ZFHX3: variants seen among roughly 807,000 people sequenced by gnomAD.
ZFHX3 encodes the protein zinc finger homeobox protein 3.
In ZFHX3, 42 loss-of-function variants were observed where a neutral mutation model predicts 279.1. That is an observed-to-expected ratio of 0.15 (90% CI 0.12 to 0.19). ZFHX3 has a LOEUF of 0.19. Among genes scored for constraint, ZFHX3 ranks in the 10% least tolerant of loss-of-function variants. ZFHX3 has a pLI of 1.00. For missense variants in ZFHX3, 4,981 were observed against 4,754.0 expected (o/e 1.05, Z -1.40); for synonymous variants, 2,293 against 1,957.8 (o/e 1.17, Z -4.52).
intron 1 of ZFHX3, among the ~76,000 whole-genome samples, chr16:72,961,889 C>T (rs1249414963): frequency 3.1e-4 from 1 of 3,212 alleles, no homozygotes. Flanking sequence ...TACAGTAAAC[C>T]AAACCAAACC....
intron 1 of ZFHX3, among the ~76,000 whole-genome samples, chr16:73,840,061 C>T (rs1961261371): frequency 6.6e-6 from 1 of 152,144 alleles, no homozygotes; most frequent in Non-Finnish European, 1.5e-5. Context: ...GAACAGGGAC[C>T]TAATCTTTGT....
At chr16:73,802,236 T>G (rs1960167461) in intron 1 of ZFHX3, among the ~76,000 whole-genome samples, 1 of 152,106 alleles carries the variant, frequency 6.6e-6, no homozygotes, top group Admixed American at 6.6e-5. Context: ...TCAGAGATAT[T>G]AGGCAATTCT....
At chr16:73,682,596 G>A (rs2142196390) in intron 1 of ZFHX3, among the ~76,000 whole-genome samples, 1 of 151,918 alleles carries the variant, frequency 6.6e-6, no homozygotes, top group East Asian at 1.9e-4. Flanking sequence ...GACCAGCCTG[G>A]CCAACATGGT....
chr16:72,909,431 T>C (rs545676066), intron 3 of ZFHX3, among the ~76,000 whole-genome samples: 8 of 152,290 alleles, frequency 5.3e-5, no homozygotes, highest in Admixed American at 5.2e-4. Flanking sequence ...TGCTGTTCCC[T>C]GACCTAAAAC....
At chr16:73,375,130 T>G (rs1009506589) in intron 3 of ZFHX3, among the ~76,000 whole-genome samples, 1 of 152,186 alleles carries the variant, frequency 6.6e-6, no homozygotes, top group Non-Finnish European at 1.5e-5. Context: ...TTGCATGAAT[T>G]TTCCCCCCAT....
At chr16:73,222,292 C>T (rs569121158) in intron 5 of ZFHX3, among the ~76,000 whole-genome samples, 2 of 151,932 alleles carry the variant, frequency 1.3e-5, no homozygotes, top group Non-Finnish European at 2.9e-5. Context: ...GATTTTTTCA[C>T]AGATGATATC....
intron 2 of ZFHX3, among the ~76,000 whole-genome samples, chr16:73,570,434 C>T (rs1195851631): frequency 6.6e-6 from 1 of 152,118 alleles, no homozygotes; most frequent in African/African-American, 2.4e-5. Flanking sequence ...TTTTCTGATT[C>T]CTTCCTAGTT....
intron 1 of ZFHX3, among the ~76,000 whole-genome samples, chr16:73,835,611 C>T (rs975090922): frequency 9.9e-5 from 15 of 151,890 alleles, no homozygotes; most frequent in Non-Finnish European, 1.9e-4. Context: ...GCTGGGATTA[C>T]AGGCACCCGC....
intron 2 of ZFHX3, among the ~76,000 whole-genome samples, chr16:72,954,008 C>G (rs112816468): frequency 6.6e-6 from 1 of 152,208 alleles, no homozygotes; most frequent in Non-Finnish European, 1.5e-5. Flanking sequence ...CCTACAAATC[C>G]GCTAATCCAG....
intron 1 of ZFHX3, among the ~76,000 whole-genome samples, chr16:73,835,055 T>C (rs998120843): frequency 6.6e-6 from 1 of 152,110 alleles, no homozygotes. Flanking sequence ...GGAAAAGGTG[T>C]TCTGGTAGCA....
chr16:72,935,257 G>A (rs1960055381), intron 3 of ZFHX3, among the ~76,000 whole-genome samples: 1 of 152,112 alleles, frequency 6.6e-6, no homozygotes, highest in Non-Finnish European at 1.5e-5. Context: ...CTCTCACTGG[G>A]AATATGTTCT....
At position 72,829,885 on chromosome 16, in the gene ZFHX3, G is replaced by A. The variant is rs570022275; in HGVS notation, c.3449-26C>T. 9.3e-6 allele frequency: 15 copies of A among 1,613,374 alleles called. No individual in the cohort carries two copies. In the South Asian group the frequency reaches 1.1e-4, roughly 12 times the overall value. ...CTGAAACAGAAGAAAAACATGTCAA[G>A]GGTTAAAAATAAAAAGAAGATGAAG... On this transcript the variant is annotated intron_variant, in intron 4 of 9. Transcript: ENST00000268489.
chr16:73,559,545 G>C (rs189255718), intron 2 of ZFHX3, among the ~76,000 whole-genome samples: 8 of 152,138 alleles, frequency 5.3e-5, no homozygotes, highest in African/African-American at 1.9e-4. Context: ...TCAGAAGAGC[G>C]AACAATGGAA....
In ZFHX3 at chr16:72,877,027, C is replaced by A. The variant is rs772618497; in HGVS notation, c.3448+12704G>T. ...CTGTAATAATGCCTTACAGGAATGA[C>A]TGGATGCCCTGCCCCTGCACGCCAT... On this transcript the variant is annotated intron_variant, in intron 4 of 9. Coordinates refer to ENST00000268489, the MANE Select transcript of ZFHX3 (RefSeq NM_006885.4). 2.3e-3 allele frequency among the ~76,000 whole-genome samples: 357 copies of A among 152,322 alleles called. 2 individuals carry two copies. The highest frequency in any genetic ancestry group is 4.0e-3 in the Non-Finnish European group (269 of 68,022).
At chr16:73,771,239 T>G (rs925031471) in intron 1 of ZFHX3, among the ~76,000 whole-genome samples, 6 of 152,176 alleles carry the variant, frequency 3.9e-5, no homozygotes, top group Middle Eastern at 6.3e-3. Context: ...TTTGTCTATG[T>G]GGATTCAGTA....
chr16:73,184,349 T>A (rs750084923), intron 5 of ZFHX3, among the ~76,000 whole-genome samples: 3 of 152,212 alleles, frequency 2.0e-5, no homozygotes, highest in Non-Finnish European at 4.4e-5. Flanking sequence ...GAGGGTTTCA[T>A]GGAAGACATT....
At chr16:73,547,316 G>A (rs1226147314) in intron 2 of ZFHX3, among the ~76,000 whole-genome samples, 8 of 152,118 alleles carry the variant, frequency 5.3e-5, no homozygotes, top group Non-Finnish European at 1.0e-4. Flanking sequence ...AAGAAAGAAA[G>A]AAAAAAACCT....
intron 1 of ZFHX3, among the ~76,000 whole-genome samples, chr16:73,012,204 G>C (rs1291498219): frequency 6.6e-6 from 1 of 152,110 alleles, no homozygotes; most frequent in Non-Finnish European, 1.5e-5. Flanking sequence ...TACAACTAAC[G>C]GGCAGACAGC....
intron 1 of ZFHX3, among the ~76,000 whole-genome samples, chr16:73,681,922 G>A (rs1012274152): frequency 7.2e-5 from 11 of 152,104 alleles, no homozygotes; most frequent in South Asian, 2.1e-4. Context: ...CAATAAATAC[G>A]ATTCCCCAAA....
Sources: allele counts gnomAD v4.1 joint callset (sites outside exome capture counted in the v4.1 genomes callset), GRCh38; gene constraint gnomAD v4.1.1; transcripts MANE v1.5; gene names NCBI Gene and HGNC (gene_info 2026-07-23, HGNC 2026-07-21).